Variants in LYPD1 observed in about 807,000 individuals in gnomAD.
LYPD1 encodes the protein LY6/PLAUR domain containing 1.
In LYPD1, 14 loss-of-function variants were observed where a neutral mutation model predicts 14.2. That is an observed-to-expected ratio of 0.99 (90% CI 0.65 to 1.54). LYPD1 has a LOEUF of 1.54. LYPD1 is among the 40% of genes most tolerant of loss of function. The pLI is 0.00. For synonymous variants in LYPD1, 85 were observed against 70.6 expected (o/e 1.20, Z -1.02); for missense variants, 165 against 175.7 (o/e 0.94, Z 0.34).
chr2:132,663,317 A>G (rs1683074928), intron 2 of LYPD1, among the ~76,000 whole-genome samples: 1 of 152,202 alleles, frequency 6.6e-6, no homozygotes, highest in African/African-American at 2.4e-5. Flanking sequence ...TCTGTTGCCC[A>G]GGCTGGAGTG....
rs570435423 is a variant in LYPD1, at chr2:132,644,584, C to T, written c.*1461G>A. 2.4e-4 allele frequency among the ~76,000 whole-genome samples: 36 copies of T among 152,186 alleles called. No individual in the cohort carries two copies. Among genetic ancestry groups the T allele is most frequent in the Non-Finnish European group, 4.7e-4 (32 of 68,034 alleles). On this transcript the variant is annotated 3_prime_UTR_variant, in exon 3 of 3. Coordinates refer to ENST00000397463, the MANE Select transcript of LYPD1 (RefSeq NM_144586.7). ...GCTTCCCCTGAAACTGAATGCAAAA[C>T]CAGTGTCATTAAATATGCTGCTTTG... is the stretch of plus-strand genomic sequence containing the variant.
chr2:132,652,414 GTCACCTGGGTAACAGAGTT>G (rs1682393573), intron 2 of LYPD1, among the ~76,000 whole-genome samples: 1 of 152,152 alleles, frequency 6.6e-6, no homozygotes, highest in African/African-American at 2.4e-5. Flanking sequence ...CTACATTGGT[GTCACCTGGGTAACAGAGTT>G]TACATAAAGC....
rs1437795626 is a variant in LYPD1, at chr2:132,669,618, G to T, written c.52+263C>A. Among the ~76,000 whole-genome samples the T allele has an allele frequency of 1.3e-5, 2 of 152,002 alleles. No homozygotes were observed. The highest frequency in any genetic ancestry group is 1.3e-4 in the Admixed American group (2 of 15,272). On this transcript the variant is annotated intron_variant, in intron 1 of 2. Transcript: ENST00000397463. This position sits in a 1 kb window ranked among gnomAD's most constrained non-coding sequence, Gnocchi z 4.3. The stretch of plus-strand genomic sequence containing the variant: ...CCGCTCGGACCCTCCCTCCTCTCAA[G>T]CCCAGCTTCTCCCGACGGTGCAGCC...
At position 132,670,192 on chromosome 2, in the gene LYPD1, G is replaced by T; in HGVS notation, c.-260C>A. On this transcript the variant is annotated 5_prime_UTR_variant, in exon 1 of 3. Coordinates refer to ENST00000397463, the MANE Select transcript of LYPD1 (RefSeq NM_144586.7). This position sits in a 1 kb window ranked among gnomAD's most constrained non-coding sequence, Gnocchi z 4.5. ...GAGCACCGCGCCTCCGGAGTTGGCG[G>T]CTGAGACTGAAGGAACTACTGGCGA... 1 of 1,230,944 alleles carries T rather than the reference G, an allele frequency of 8.1e-7. No individual in the cohort carries two copies. Among genetic ancestry groups the T allele is most frequent in the Non-Finnish European group, 1.0e-6 (1 of 954,636 alleles). 76.3% of individuals were successfully genotyped at this position (1,230,944 alleles called of 1,614,324 possible).
At chr2:132,656,882 G>GTTGA (rs1682625964) in intron 2 of LYPD1, among the ~76,000 whole-genome samples, 1 of 152,188 alleles carries the variant, frequency 6.6e-6, no homozygotes. Context: ...CCATACTGAT[G>GTTGA]TTGAGCCCAT....
At chr2:132,654,012 T>C (rs1380719620) in intron 2 of LYPD1, among the ~76,000 whole-genome samples, 1 of 152,080 alleles carries the variant, frequency 6.6e-6, no homozygotes, top group Non-Finnish European at 1.5e-5. Context: ...CGTGGGATCC[T>C]GGATAGGATC....
At chr2:132,651,732 TAAGA>T (rs1271350187) in intron 2 of LYPD1, among the ~76,000 whole-genome samples, 3 of 152,192 alleles carry the variant, frequency 2.0e-5, no homozygotes, top group Non-Finnish European at 4.4e-5. Flanking sequence ...ACCATTTATG[TAAGA>T]AAGAAACCAC....
In LYPD1 at chr2:132,669,152, AC is replaced by A. The variant is rs1182625572; in HGVS notation, c.53-616del. On this transcript the variant is annotated intron_variant, in intron 1 of 2. Coordinates refer to ENST00000397463, the MANE Select transcript of LYPD1 (RefSeq NM_144586.7). This position sits in a 1 kb window ranked among gnomAD's most constrained non-coding sequence, Gnocchi z 4.3. ...CTTCTCCGGGGCCGTCCCCGCGGCGACCCGAATGGCCACAGAGGGTGGGAAA... is the reference window on the plus strand; with the variant it reads ...CTTCTCCGGGGCCGTCCCCGCGGCGACCGAATGGCCACAGAGGGTGGGAAA... Among the ~76,000 whole-genome samples, 1 of 151,634 alleles carries A rather than the reference AC, an allele frequency of 6.6e-6. No individual in the cohort carries two copies. Among genetic ancestry groups the A allele is most frequent in the Non-Finnish European group, 1.5e-5 (1 of 67,916 alleles).
intron 2 of LYPD1, among the ~76,000 whole-genome samples, chr2:132,660,861 T>C: frequency 6.6e-6 from 1 of 152,232 alleles, no homozygotes; most frequent in East Asian, 1.9e-4. Context: ...GGCTTGTGCA[T>C]GGACATGGTA....
Position 132,646,298 on chromosome 2 carries a change from A to G in LYPD1, c.191-18T>C. 7.0e-7 allele frequency: 1 copy of G among 1,435,082 alleles called. No homozygotes were observed. Among genetic ancestry groups the G allele is most frequent in the Non-Finnish European group, 9.2e-7 (1 of 1,083,260 alleles). The allele number at this position is 1,435,082 out of a possible 1,614,324, so 88.9% of individuals were successfully genotyped here. On this transcript the variant is annotated intron_variant, in intron 2 of 2. Coordinates refer to ENST00000397463, the MANE Select transcript of LYPD1 (RefSeq NM_144586.7). The stretch of plus-strand genomic sequence containing the variant: ...CATGATCCCTGTAACACAGACCCAA[A>G]GGAGCTGAGTTAACGTGCACCGGCA...
In LYPD1 at chr2:132,643,700, T is replaced by G. The variant is rs2104881983; in HGVS notation, c.*2345A>C. On this transcript the variant is annotated 3_prime_UTR_variant, in exon 3 of 3. Coordinates refer to ENST00000397463, the MANE Select transcript of LYPD1 (RefSeq NM_144586.7). ...ATGCCTGGCTAAGTTTTTCTTTTTT[T>G]GTAGAGATGGGGTCTTGCTATGTTG... is the stretch of plus-strand genomic sequence containing the variant. Among the ~76,000 whole-genome samples, 1 of 152,300 alleles carries G rather than the reference T, an allele frequency of 6.6e-6. No individual in the cohort carries two copies. Among genetic ancestry groups the G allele is most frequent in the African/African-American group, 2.4e-5 (1 of 41,560 alleles).
intron 2 of LYPD1, among the ~76,000 whole-genome samples, chr2:132,653,542 T>G (rs1297292490): frequency 6.6e-6 from 1 of 152,134 alleles, no homozygotes; most frequent in Non-Finnish European, 1.5e-5. Context: ...AAATTAAGAT[T>G]AGAACACCAT....
At chr2:132,657,843 A>T (rs1682691532) in intron 2 of LYPD1, among the ~76,000 whole-genome samples, 1 of 152,082 alleles carries the variant, frequency 6.6e-6, no homozygotes, top group Non-Finnish European at 1.5e-5. Context: ...GGGAAAGAAA[A>T]ATTATCCCTG....
At position 132,670,016 on chromosome 2, in the gene LYPD1, T is replaced by G. The variant is rs541502777; in HGVS notation, c.-84A>C. 256 of 1,573,910 alleles carry G rather than the reference T, an allele frequency of 1.6e-4. 4 individuals carry two copies. The African/African-American group carries it at 3.2e-3, about 19-fold the overall frequency. On this transcript the variant is annotated 5_prime_UTR_variant, in exon 1 of 3. Transcript: ENST00000397463. This position sits in a 1 kb window ranked among gnomAD's most constrained non-coding sequence, Gnocchi z 4.5. ...GAGGCTGCCCCGGCTGCAGCGGCTG[T>G]GGCTGCCGAGGCTGCTGGGGCCCGC...
At chr2:132,653,894 A>C (rs978948926) in intron 2 of LYPD1, among the ~76,000 whole-genome samples, 2 of 152,242 alleles carry the variant, frequency 1.3e-5, no homozygotes, top group Admixed American at 1.3e-4. Flanking sequence ...GACAGTGTAC[A>C]AAAATCTGGA....
In LYPD1 at chr2:132,670,119, G is replaced by C. The variant is rs1413561336; in HGVS notation, c.-187C>G. The C allele has an allele frequency of 2.1e-6, 3 of 1,413,090 alleles. No individual in the cohort carries two copies. Among genetic ancestry groups the C allele is most frequent in the South Asian group, 1.5e-5 (1 of 66,382 alleles). 87.5% of individuals were successfully genotyped at this position (1,413,090 alleles called of 1,614,324 possible). A position where few individuals can be genotyped will look rare whatever the true frequency, so the allele number is the denominator to read the frequency against. ...CGCGGAGCCTGCATCGCCCGCGCTCGGGCTCCCGGCTGCGGGTCTCTGCTC... is the reference window on the plus strand; with the variant it reads ...CGCGGAGCCTGCATCGCCCGCGCTCCGGCTCCCGGCTGCGGGTCTCTGCTC... On this transcript the variant is annotated 5_prime_UTR_variant, in exon 1 of 3. Coordinates refer to ENST00000397463, the MANE Select transcript of LYPD1 (RefSeq NM_144586.7). The surrounding 1 kb of genome is among the most constrained non-coding windows in gnomAD (Gnocchi z 4.5).
At chr2:132,648,086 C>CTGTT (rs972779509) in intron 2 of LYPD1, among the ~76,000 whole-genome samples, 14 of 152,264 alleles carry the variant, frequency 9.2e-5, no homozygotes, top group South Asian at 4.1e-4. Context: ...GTGGGAGGCA[C>CTGTT]TGTTTGATTT....
chr2:132,658,098 TC>T, intron 2 of LYPD1, among the ~76,000 whole-genome samples: 1 of 152,278 alleles, frequency 6.6e-6, no homozygotes, highest in East Asian at 1.9e-4. Context: ...TTTGGTGCCA[TC>T]CCTTCCCTTG....
Position 132,670,112 on chromosome 2 carries a change from C to A in LYPD1, c.-180G>T. ...TGCCGCTCGCGGAGCCTGCATCGCC[C>A]GCGCTCGGGCTCCCGGCTGCGGGTC... is the stretch of plus-strand genomic sequence containing the variant. On this transcript the variant is annotated 5_prime_UTR_variant, in exon 1 of 3. Transcript: ENST00000397463. The surrounding 1 kb of genome is among the most constrained non-coding windows in gnomAD (Gnocchi z 4.5). The A allele has an allele frequency of 7.0e-7, 1 of 1,422,094 alleles. No individual in the cohort carries two copies. Among genetic ancestry groups the A allele is most frequent in the Non-Finnish European group, 9.1e-7 (1 of 1,099,358 alleles). The allele number at this position is 1,422,094 out of a possible 1,614,324, so 88.1% of individuals were successfully genotyped here.
Sources: allele counts gnomAD v4.1 joint callset (sites outside exome capture counted in the v4.1 genomes callset), GRCh38; gene constraint gnomAD v4.1.1; non-coding constraint Gnocchi (gnomAD v3.1); transcripts MANE v1.5; gene names NCBI Gene and HGNC (gene_info 2026-07-23, HGNC 2026-07-21).